The following NPAS2 variants were observed in gnomAD, a reference collection of about 807,000 sequenced individuals.
NPAS2 encodes the protein neuronal PAS domain-containing protein 2.
In NPAS2, 23 loss-of-function variants were observed where a neutral mutation model predicts 107.5. That is an observed-to-expected ratio of 0.21 (90% confidence interval 0.15 to 0.30). The LOEUF (loss-of-function observed/expected upper bound fraction) is 0.30, where lower values mean the gene tolerates loss of function less well. Among genes scored for constraint, NPAS2 ranks in the 10% least tolerant of loss-of-function variants. NPAS2 has a pLI of 1.00. For synonymous variants in NPAS2, 403 were observed against 417.5 expected (o/e 0.97, Z 0.42); for missense variants, 756 against 1,043.3 (o/e 0.72, Z 3.79).
intron 7 of NPAS2, among the ~76,000 whole-genome samples, chr2:100,961,108 C>G (rs1252932539): frequency 6.6e-6 from 1 of 152,066 alleles, no homozygotes. Flanking sequence ...TCTCAGGAAG[C>G]CAGTTGTAAT....
chr2:100,846,955 A>T (rs1677813507), intron 1 of NPAS2: 1 of 152,194 alleles, frequency 6.6e-6, no homozygotes, highest in South Asian at 2.1e-4. Flanking sequence ...ATTCCATTGC[A>T]TGTTGTCAAG....
At chr2:100,874,020 G>A (rs534499612) in intron 1 of NPAS2, among the ~76,000 whole-genome samples, 45 of 149,536 alleles carry the variant, frequency 3.0e-4, no homozygotes, top group Middle Eastern at 6.8e-3. Flanking sequence ...TGCTCTTGTT[G>A]CCCAGGCTGG....
At chr2:100,901,685 T>C (rs796272890) in intron 1 of NPAS2, 2 of 303,910 alleles carry the variant, frequency 6.6e-6, no homozygotes, top group African/African-American at 4.5e-5. Context: ...GACACACTCC[T>C]TCCAGGTTTG....
At chr2:100,838,218 A>G (rs1264338084) in intron 1 of NPAS2, among the ~76,000 whole-genome samples, 1 of 151,210 alleles carries the variant, frequency 6.6e-6, no homozygotes, top group South Asian at 2.1e-4. Flanking sequence ...GATGGGTTAT[A>G]ATAAACATTT....
At chr2:100,924,082 A>C (rs1683409794) in intron 2 of NPAS2, among the ~76,000 whole-genome samples, 1 of 151,918 alleles carries the variant, frequency 6.6e-6, no homozygotes, top group Non-Finnish European at 1.5e-5. Flanking sequence ...TTTAAAATAG[A>C]CTTTATTTTT....
chr2:100,938,559 T>TCCCCTCCCTCCCCCCTTTCC (rs1684485929), intron 5 of NPAS2, among the ~76,000 whole-genome samples: 2 of 64,538 alleles, frequency 3.1e-5, no homozygotes, highest in African/African-American at 5.7e-5. Flanking sequence ...CCCTCCCTCC[T>TCCCCTCCCTCCCCCCTTTCC]TCCCTCCCTC....
chr2:100,909,138 A>G (rs887127469), intron 2 of NPAS2, among the ~76,000 whole-genome samples: 1 of 152,252 alleles, frequency 6.6e-6, no homozygotes. Flanking sequence ...GACATGGACC[A>G]ATGAATGGCT....
intron 2 of NPAS2, among the ~76,000 whole-genome samples, chr2:100,913,659 C>G (rs558780357): frequency 1.8e-4 from 27 of 152,228 alleles, no homozygotes; most frequent in African/African-American, 6.3e-4. Context: ...CTTTTTACTG[C>G]CTTTTATCCT....
intron 15 of NPAS2, among the ~76,000 whole-genome samples, chr2:100,979,098 G>A (rs1220013011): frequency 6.6e-6 from 1 of 152,172 alleles, no homozygotes; most frequent in African/African-American, 2.4e-5. Flanking sequence ...CCCTCTTAGT[G>A]GGGGTCTCTC....
intron 20 of NPAS2, chr2:100,993,869 G>C: frequency 4.0e-6 from 1 of 251,294 alleles, no homozygotes; most frequent in Non-Finnish European, 7.5e-6. Context: ...GACTATGTTG[G>C]ACTTTTCAGT....
At chr2:100,974,221 T>G (rs1018617136) in intron 12 of NPAS2, among the ~76,000 whole-genome samples, 2 of 152,210 alleles carry the variant, frequency 1.3e-5, no homozygotes, top group African/African-American at 4.8e-5. Context: ...AGTCAGACTG[T>G]CACAGCTGCT....
At chr2:100,908,847 T>C (rs1237658234) in intron 2 of NPAS2, among the ~76,000 whole-genome samples, 1 of 152,174 alleles carries the variant, frequency 6.6e-6, no homozygotes, top group Non-Finnish European at 1.5e-5. Flanking sequence ...TTCATGAGAA[T>C]CAAAAGTGTC....
chr2:100,872,888 C>T (rs2104581304), intron 1 of NPAS2, among the ~76,000 whole-genome samples: 1 of 152,278 alleles, frequency 6.6e-6, no homozygotes, highest in East Asian at 1.9e-4. Context: ...TCCTATTTGT[C>T]TTCTGGAGCA....
chr2:100,993,267 T>G, intron 19 of NPAS2, 80 bp from the exon 20 acceptor site: 1 of 1,368,482 alleles, frequency 7.3e-7, no homozygotes, highest in Admixed American at 2.5e-5. Flanking sequence ...TATTTGTTTT[T>G]TCTTTGTTGC....
At chr2:100,853,396 A>G (rs1383809989) in intron 1 of NPAS2, among the ~76,000 whole-genome samples, 3 of 152,066 alleles carry the variant, frequency 2.0e-5, no homozygotes, top group Admixed American at 1.3e-4. Flanking sequence ...TATTTCCACA[A>G]CCCCCTAAGG....
chr2:100,979,480 CTATATATA>C (rs201705535), intron 15 of NPAS2, among the ~76,000 whole-genome samples: 687 of 64,768 alleles, frequency 0.011, 20 homozygotes, highest in East Asian at 0.02. Context: ...TTAATAATAA[CTATATATA>C]TATATATATA....
intron 1 of NPAS2, among the ~76,000 whole-genome samples, chr2:100,832,752 T>C (rs1467382032): frequency 6.6e-6 from 1 of 152,086 alleles, no homozygotes; most frequent in Non-Finnish European, 1.5e-5. Context: ...CATGCTTAAA[T>C]TTTAAAAGGA....
chr2:100,928,920 G>T (rs1390981345), intron 3 of NPAS2, among the ~76,000 whole-genome samples: 1 of 151,826 alleles, frequency 6.6e-6, no homozygotes, highest in East Asian at 1.9e-4. Flanking sequence ...ACTTTCTTTT[G>T]GGAGACAGAG....
At chr2:100,873,383 C>G (rs1389637956) in intron 1 of NPAS2, among the ~76,000 whole-genome samples, 1 of 129,738 alleles carries the variant, frequency 7.7e-6, no homozygotes, top group Non-Finnish European at 1.6e-5. Flanking sequence ...TATATTTTTT[C>G]AAATATATAT....
Sources: allele counts gnomAD v4.1 joint callset (sites outside exome capture counted in the v4.1 genomes callset), GRCh38; gene constraint gnomAD v4.1.1; transcripts MANE v1.5; gene names NCBI Gene and HGNC (gene_info 2026-07-23, HGNC 2026-07-21).